Variants in EPHA5 observed in about 807,000 individuals in gnomAD.
EPHA5 encodes the protein ephrin type-A receptor 5.
In EPHA5, 60 loss-of-function variants were observed where a neutral mutation model predicts 105.0. The observed-to-expected ratio is 0.57, with a 90% CI of 0.46 to 0.71. The LOEUF (loss-of-function observed/expected upper bound fraction) is 0.71. EPHA5 is among the 30% of genes least tolerant of loss of function. The probability of loss-of-function intolerance (pLI) is 0.00; values close to 1 mark genes in which losing one functional copy is unlikely to be tolerated. For synonymous variants in EPHA5, 513 were observed against 449.1 expected, an observed-to-expected ratio of 1.14 and a Z score of -1.80; for missense variants, 1,218 against 1,274.7, an observed-to-expected ratio of 0.96 and a Z score of 0.68.
chr4:65,369,019 A>G lies in EPHA5; in HGVS notation c.1794-1595T>C, dbSNP rs149636871. ...TTCTGCATCCCCTCATGTGATTTCTAGTCTATGCTGCAGCATAGTCATTTG... is the reference window on the plus strand; with the variant it reads ...TTCTGCATCCCCTCATGTGATTTCTGGTCTATGCTGCAGCATAGTCATTTG... On this transcript the variant is annotated intron_variant, in intron 8 of 16. Transcript: ENST00000613740. Among the ~76,000 whole-genome samples, 14 of 152,200 alleles carry G rather than the reference A, an allele frequency of 9.2e-5. 1 individual carries two copies. The highest frequency in any genetic ancestry group is 3.1e-4 in the African/African-American group (13 of 41,568).
chr4:65,663,999 G>A (rs966440887), intron 1 of EPHA5, among the ~76,000 whole-genome samples: 3 of 151,860 alleles, frequency 2.0e-5, no homozygotes, highest in Non-Finnish European at 4.4e-5. Context: ...AAAATAAGAT[G>A]TTCAAAATTT....
In EPHA5 at chr4:65,495,262, A is replaced by G. The variant is rs952092281; in HGVS notation, c.1066+126T>C. ...GAGATTGAAAATTGGTGAAAACTGTATAGAGATGATTAAACATTATGTCTG... is the reference window on the plus strand; with the variant it reads ...GAGATTGAAAATTGGTGAAAACTGTGTAGAGATGATTAAACATTATGTCTG... On this transcript the variant is annotated intron_variant, in intron 4 of 16. Coordinates refer to ENST00000613740, the MANE Select transcript of EPHA5 (RefSeq NM_001281766.3). 4.6e-6 allele frequency: 5 copies of G among 1,075,750 alleles called. No homozygotes were observed. The African/African-American group carries it at 6.4e-5, about 14-fold the overall frequency. The allele number at this position is 1,075,750 out of a possible 1,614,324, so 66.6% of individuals were successfully genotyped here.
chr4:65,401,252 A>G (rs1238878501), intron 8 of EPHA5, among the ~76,000 whole-genome samples: 1 of 152,116 alleles, frequency 6.6e-6, no homozygotes, highest in African/African-American at 2.4e-5. Flanking sequence ...CATTTATTTA[A>G]CAAATCTTTA....
intron 3 of EPHA5, among the ~76,000 whole-genome samples, chr4:65,518,517 C>A (rs4320185): frequency 0.75 from 114,523 of 151,896 alleles, 43,320 homozygotes; most frequent in East Asian, 0.87. Flanking sequence ...TCACCAACTA[C>A]ATCCAAATTG....
In EPHA5 at chr4:65,356,059, C is replaced by T. The variant is rs147558178; in HGVS notation, c.2174-2956G>A. On this transcript the variant is annotated intron_variant, in intron 11 of 16. Coordinates refer to ENST00000613740, the MANE Select transcript of EPHA5 (RefSeq NM_001281766.3). ...CCAGCAAACATCTAGAGAATATAGT[C>T]GCAGCTTTTCCTGCTTGGCACCTCT... 3.2e-4 allele frequency among the ~76,000 whole-genome samples: 49 copies of T among 151,484 alleles called. No homozygotes were observed. The East Asian group carries it at 3.9e-3, about 12-fold the overall frequency.
intron 8 of EPHA5, among the ~76,000 whole-genome samples, chr4:65,402,987 C>T (rs1721998885): frequency 6.7e-6 from 1 of 149,634 alleles, no homozygotes; most frequent in Non-Finnish European, 1.5e-5. Context: ...CTGGGATGGG[C>T]TTAATTGTCC....
At chr4:65,506,922 T>C (rs1274996962) in intron 3 of EPHA5, among the ~76,000 whole-genome samples, 1 of 152,146 alleles carries the variant, frequency 6.6e-6, no homozygotes, top group Non-Finnish European at 1.5e-5. Context: ...TTTGGTGTTT[T>C]AGACATGAAG....
rs191392908 is a variant in EPHA5, at chr4:65,656,720, T to C, written c.181+12842A>G. 2.4e-3 allele frequency among the ~76,000 whole-genome samples: 357 copies of C among 150,968 alleles called. 11 individuals are homozygous for C. Among genetic ancestry groups the C allele is most frequent in the Admixed American group, 0.023 (342 of 15,102 alleles). On this transcript the variant is annotated intron_variant, in intron 1 of 16. Transcript: ENST00000613740. ...CCTCAACCTCCCAGGGCTCAGGTTA[T>C]TTTACCACCTCAGTCACCTAGGTAG...
intron 5 of EPHA5, among the ~76,000 whole-genome samples, chr4:65,472,145 G>C (rs879545757): frequency 2.0e-5 from 3 of 152,088 alleles, no homozygotes; most frequent in Non-Finnish European, 4.4e-5. Flanking sequence ...CGAACGAAGG[G>C]GCCACAGGTC....
intron 5 of EPHA5, among the ~76,000 whole-genome samples, chr4:65,431,130 A>G (rs963102953): frequency 5.3e-5 from 8 of 152,214 alleles, no homozygotes; most frequent in African/African-American, 1.9e-4. Context: ...GCCAAGATAA[A>G]TCCTCACAAC....
chr4:65,413,513 A>G (rs948020696), intron 7 of EPHA5, among the ~76,000 whole-genome samples: 1 of 152,036 alleles, frequency 6.6e-6, no homozygotes. Flanking sequence ...GAAAAAAGGA[A>G]GCATGCATTT....
chr4:65,539,823 A>C (rs1736646296), intron 3 of EPHA5, among the ~76,000 whole-genome samples: 1 of 151,572 alleles, frequency 6.6e-6, no homozygotes, highest in African/African-American at 2.4e-5. Flanking sequence ...TTTCTGTTTT[A>C]AAATCATACA....
intron 8 of EPHA5, among the ~76,000 whole-genome samples, chr4:65,373,611 T>C (rs533113623): frequency 1.1e-3 from 162 of 152,100 alleles, no homozygotes; most frequent in Non-Finnish European, 2.0e-3. Flanking sequence ...TCGGATTTTG[T>C]TTTTAATTTC....
At chr4:65,409,570 C>T (rs1042862971) in intron 7 of EPHA5, among the ~76,000 whole-genome samples, 7 of 152,022 alleles carry the variant, frequency 4.6e-5, no homozygotes, top group African/African-American at 1.2e-4. Flanking sequence ...GACTTTATTG[C>T]CTCAGCTATA....
chr4:65,641,339 A>T (rs537759558), intron 2 of EPHA5, among the ~76,000 whole-genome samples: 1 of 152,242 alleles, frequency 6.6e-6, no homozygotes, highest in African/African-American at 2.4e-5. Flanking sequence ...TTGCTCCAAG[A>T]TGTTGTTTGA....
intron 5 of EPHA5, among the ~76,000 whole-genome samples, chr4:65,441,179 C>A (rs1278879920): frequency 6.6e-6 from 1 of 151,896 alleles, no homozygotes; most frequent in Non-Finnish European, 1.5e-5. Flanking sequence ...TTAATACCAT[C>A]AGCACCTTTA....
At position 65,321,211 on chromosome 4, in the gene EPHA5, G is replaced by A. The variant is rs1029507187; in HGVS notation, c.*2903C>T. ...ATATTGCTACTGGCAATTACAATAA[G>A]ATTATGTATTATTTGCCAAATCTGT... On this transcript the variant is annotated 3_prime_UTR_variant, in exon 17 of 17. Coordinates refer to ENST00000613740, the MANE Select transcript of EPHA5 (RefSeq NM_001281766.3). 3 of 230,472 alleles carry A rather than the reference G, an allele frequency of 1.3e-5. No homozygotes were observed. In the East Asian group the frequency reaches 1.8e-4, roughly 14 times the overall value. 14.3% of individuals were successfully genotyped at this position (230,472 alleles called of 1,614,324 possible).
intron 14 of EPHA5, among the ~76,000 whole-genome samples, chr4:65,347,068 C>T (rs1405880448): frequency 2.6e-5 from 4 of 152,120 alleles, no homozygotes; most frequent in Non-Finnish European, 5.9e-5. Context: ...TAATTACAGG[C>T]ATTGTTGTTT....
At chr4:65,437,384 T>C in intron 5 of EPHA5, among the ~76,000 whole-genome samples, 1 of 152,050 alleles carries the variant, frequency 6.6e-6, no homozygotes, top group South Asian at 2.1e-4. Flanking sequence ...ATGGTGTCCA[T>C]CATCCTACAT....
Sources: allele counts gnomAD v4.1 joint callset (sites outside exome capture counted in the v4.1 genomes callset), GRCh38; gene constraint gnomAD v4.1.1; transcripts MANE v1.5; gene names NCBI Gene and HGNC (gene_info 2026-07-23, HGNC 2026-07-21).